The following ANTXR2 variants were observed in gnomAD, a reference collection of about 807,000 sequenced individuals.
ANTXR2 encodes anthrax toxin receptor 2.
A neutral mutation model predicts 73.7 loss-of-function variants in ANTXR2; 44 were observed. The observed-to-expected ratio is 0.60, with a 90% CI of 0.47 to 0.77. ANTXR2 has a LOEUF of 0.77. Ranked by LOEUF, ANTXR2 falls within the 30% of genes least tolerant of loss-of-function variation. The probability of loss-of-function intolerance (pLI) is 0.00; values close to 1 mark genes in which losing one functional copy is unlikely to be tolerated. For missense variants in ANTXR2, 604 were observed against 592.5 expected (o/e 1.02, Z -0.20); for synonymous variants, 217 against 205.9 (o/e 1.05, Z -0.46).
intron 7 of ANTXR2, among the ~76,000 whole-genome samples, chr4:80,051,810 G>C (rs914974418): frequency 6.6e-6 from 1 of 151,390 alleles, no homozygotes; most frequent in Non-Finnish European, 1.5e-5. Context: ...ATGAAGAAAG[G>C]CTCCAAAATA....
intron 16 of ANTXR2, among the ~76,000 whole-genome samples, chr4:79,913,233 T>C (rs7654630): frequency 0.57 from 87,204 of 152,032 alleles, 25,337 homozygotes; most frequent in Non-Finnish European, 0.61. Context: ...AATTACTATC[T>C]TGGTGTACCC....
At chr4:80,041,179 G>T (rs1733228382) in intron 7 of ANTXR2, among the ~76,000 whole-genome samples, 1 of 152,012 alleles carries the variant, frequency 6.6e-6, no homozygotes, top group South Asian at 2.1e-4. Flanking sequence ...TGCCCTAGAA[G>T]AATTAGCTCT....
Position 79,948,431 on chromosome 4 carries a change from T to C in ANTXR2, c.1428+29190A>G, listed in dbSNP as rs147502201. 1.1e-3 allele frequency among the ~76,000 whole-genome samples: 173 copies of C among 152,276 alleles called. 2 individuals carry two copies. Among genetic ancestry groups the C allele is most frequent in the African/African-American group, 4.0e-3 (165 of 41,550 alleles). ...TACTCCAAATTTCAGGCATGACTTATTTTGTTTTCTTAAAGTGTCAAATTA... is the reference window on the plus strand; with the variant it reads ...TACTCCAAATTTCAGGCATGACTTACTTTGTTTTCTTAAAGTGTCAAATTA... On this transcript the variant is annotated intron_variant, in intron 16 of 16. Coordinates refer to ENST00000403729, the MANE Select transcript of ANTXR2 (RefSeq NM_058172.6).
intron 16 of ANTXR2, among the ~76,000 whole-genome samples, chr4:79,975,358 T>A (rs186173897): frequency 6.6e-6 from 1 of 152,352 alleles, no homozygotes; most frequent in African/African-American, 2.4e-5. Context: ...GGGCGGAGGC[T>A]GCTGTTTGTT....
chr4:80,057,452 C>G (rs555892853), intron 3 of ANTXR2, among the ~76,000 whole-genome samples: 1 of 151,950 alleles, frequency 6.6e-6, no homozygotes, highest in South Asian at 2.1e-4. Context: ...ATTTTTATAT[C>G]GCAATAAAAA....
At chr4:79,928,707 C>G (rs1032252215) in intron 16 of ANTXR2, among the ~76,000 whole-genome samples, 4 of 152,062 alleles carry the variant, frequency 2.6e-5, no homozygotes, top group Non-Finnish European at 4.4e-5. Flanking sequence ...TTACTAAATT[C>G]TTTTAAAAGT....
intron 16 of ANTXR2, among the ~76,000 whole-genome samples, chr4:79,926,572 A>G (rs1229231210): frequency 6.6e-6 from 1 of 152,168 alleles, no homozygotes; most frequent in Admixed American, 6.5e-5. Context: ...AAAAATACAT[A>G]TTTCATCAAA....
intron 16 of ANTXR2, among the ~76,000 whole-genome samples, chr4:79,913,462 C>T (rs1169578979): frequency 6.6e-6 from 1 of 152,098 alleles, no homozygotes; most frequent in African/African-American, 2.4e-5. Flanking sequence ...ACATGTACAA[C>T]CTACCTCATG....
At chr4:79,919,233 G>A (rs934890783) in intron 16 of ANTXR2, among the ~76,000 whole-genome samples, 2 of 152,134 alleles carry the variant, frequency 1.3e-5, no homozygotes, top group African/African-American at 2.4e-5. Flanking sequence ...GTGACTTAAC[G>A]CAGTATTTTG....
At chr4:79,961,307 T>C (rs1729133115) in intron 16 of ANTXR2, among the ~76,000 whole-genome samples, 1 of 152,142 alleles carries the variant, frequency 6.6e-6, no homozygotes, top group African/African-American at 2.4e-5. Flanking sequence ...TAAAATTGTA[T>C]CTGTGTTGAC....
intron 12 of ANTXR2, among the ~76,000 whole-genome samples, chr4:80,003,658 A>G (rs1560973395): frequency 2.0e-5 from 3 of 152,116 alleles, no homozygotes; most frequent in Admixed American, 1.3e-4. Context: ...TAAGCACACG[A>G]AAACATGTTC....
At chr4:79,989,566 G>C (rs781460673) in intron 12 of ANTXR2, among the ~76,000 whole-genome samples, 1 of 151,976 alleles carries the variant, frequency 6.6e-6, no homozygotes, top group African/African-American at 2.4e-5. Context: ...GAGAAGACCT[G>C]GTACCAATCC....
chr4:79,956,787 A>G (rs558974861), intron 16 of ANTXR2, among the ~76,000 whole-genome samples: 22 of 152,168 alleles, frequency 1.4e-4, no homozygotes, highest in Admixed American at 1.4e-3. Context: ...GCGCGCACAC[A>G]CACACACTCA....
At chr4:80,041,797 C>A (rs1464295464) in intron 7 of ANTXR2, among the ~76,000 whole-genome samples, 4 of 152,048 alleles carry the variant, frequency 2.6e-5, no homozygotes, top group African/African-American at 9.7e-5. Context: ...AGGACATGAT[C>A]TCATTCCTTT....
intron 11 of ANTXR2, among the ~76,000 whole-genome samples, chr4:80,013,751 C>T (rs904834144): frequency 3.9e-5 from 6 of 152,058 alleles, no homozygotes; most frequent in South Asian, 2.1e-4. Context: ...ATCTCATCAG[C>T]GCAAGTCTCA....
At chr4:80,044,820 A>G (rs1578181663) in intron 7 of ANTXR2, among the ~76,000 whole-genome samples, 1 of 152,038 alleles carries the variant, frequency 6.6e-6, no homozygotes, top group African/African-American at 2.4e-5. Context: ...TTCAAAATTC[A>G]ATCTAATATA....
chr4:79,957,633 T>C (rs1457297991), intron 16 of ANTXR2, among the ~76,000 whole-genome samples: 4 of 152,100 alleles, frequency 2.6e-5, no homozygotes, highest in Non-Finnish European at 5.9e-5. Context: ...TTTGTCCAAA[T>C]AAATGGAGAA....
chr4:80,022,928 C>T (rs949242838), intron 10 of ANTXR2, among the ~76,000 whole-genome samples: 12 of 152,080 alleles, frequency 7.9e-5, no homozygotes, highest in African/African-American at 2.9e-4. Flanking sequence ...TTTTAAGGAA[C>T]AGAGCTTGGT....
At chr4:80,071,716 G>T in intron 1 of ANTXR2, 62 bp from the exon 2 acceptor site, 1 of 1,372,616 alleles carries the variant, frequency 7.3e-7, no homozygotes, top group Non-Finnish European at 1.0e-6. Context: ...TAAACATTTT[G>T]AAATGGTTCC....
Sources: gnomAD v4.1 joint callset for allele counts (sites outside exome capture counted in the v4.1 genomes callset) on GRCh38, gnomAD v4.1.1 for gene constraint, MANE v1.5 for transcripts, NCBI Gene and HGNC (gene_info 2026-07-23, HGNC 2026-07-21) for gene names.